TVP23B: variants seen among roughly 807,000 people sequenced by gnomAD.
TVP23B encodes trans-golgi network vesicle protein 23 homolog B.
TVP23B carries 10 observed loss-of-function variants against 30.6 expected under a neutral mutation model. That is an observed-to-expected ratio of 0.33 (90% CI 0.20 to 0.55). The LOEUF (loss-of-function observed/expected upper bound fraction) is 0.55, where lower values mean the gene tolerates loss of function less well. Among genes scored for constraint, TVP23B ranks in the 20% least tolerant of loss-of-function variants. The probability of loss-of-function intolerance (pLI) is 0.91; values close to 1 mark genes in which losing one functional copy is unlikely to be tolerated. For missense variants in TVP23B, 153 were observed against 243.2 expected, an observed-to-expected ratio of 0.63 and a Z score of 2.47; for synonymous variants, 67 against 83.1, an observed-to-expected ratio of 0.81 and a Z score of 1.06.
chr17:18,784,573 C>A (rs2035870829), intron 1 of TVP23B, among the ~76,000 whole-genome samples: 1 of 152,326 alleles, frequency 6.6e-6, no homozygotes, highest in Non-Finnish European at 1.5e-5. Context: ...GTCGCTTGAA[C>A]CCGGGAGGTG....
At chr17:18,788,982 G>T (rs2035951414) in intron 1 of TVP23B, 1 of 196,610 alleles carries the variant, frequency 5.1e-6, no homozygotes, top group Non-Finnish European at 1.0e-5. Context: ...AGATGATTTT[G>T]TGAAGGAGCC....
intron 6 of TVP23B, 48 bp from the exon 7 acceptor site, chr17:18,805,493 G>A: frequency 6.3e-7 from 1 of 1,598,088 alleles, no homozygotes; most frequent in South Asian, 1.1e-5. Flanking sequence ...GGTGTGTGAA[G>A]TGAAATAACT....
At chr17:18,783,556 T>C (rs1353072042) in intron 1 of TVP23B, among the ~76,000 whole-genome samples, 2 of 152,200 alleles carry the variant, frequency 1.3e-5, no homozygotes, top group Admixed American at 6.5e-5. Context: ...TCTTATCCTC[T>C]CTCAGCTGGT....
chr17:18,804,789 C>T (rs566477765), intron 6 of TVP23B, among the ~76,000 whole-genome samples: 2 of 152,142 alleles, frequency 1.3e-5, no homozygotes, highest in East Asian at 1.9e-4. Flanking sequence ...GGGATTTCAT[C>T]GTGTTAGCCA....
intron 4 of TVP23B, among the ~76,000 whole-genome samples, chr17:18,798,253 T>C (rs955488199): frequency 6.6e-6 from 1 of 152,122 alleles, no homozygotes; most frequent in Non-Finnish European, 1.5e-5. Flanking sequence ...ACACCAAGGG[T>C]ATTGACAAGT....
intron 1 of TVP23B, among the ~76,000 whole-genome samples, chr17:18,783,479 A>G (rs1236899070): frequency 6.6e-6 from 1 of 152,154 alleles, no homozygotes; most frequent in Non-Finnish European, 1.5e-5. Context: ...GTCATTCTAC[A>G]TTTCCATAGC....
chr17:18,801,200 T>A (rs2921204), intron 5 of TVP23B, among the ~76,000 whole-genome samples: 15,475 of 143,934 alleles, frequency 0.11, 592 homozygotes, highest in African/African-American at 0.13. Context: ...TTGAGTTCTT[T>A]TCTTTAGGTT....
intron 6 of TVP23B, among the ~76,000 whole-genome samples, chr17:18,805,068 GTGACTAGGTCTT>G (rs1284193552): frequency 7.0e-6 from 1 of 142,936 alleles, no homozygotes; most frequent in African/African-American, 2.5e-5. Flanking sequence ...CTTGGGAAAA[GTGACTAGGTCTT>G]TTTTTTTTTT....
Position 18,805,956 on chromosome 17 carries a change from A to G in TVP23B, c.*389A>G, listed in dbSNP as rs1386019855. On this transcript the variant is annotated 3_prime_UTR_variant, in exon 7 of 7. Coordinates refer to ENST00000307767, the MANE Select transcript of TVP23B (RefSeq NM_016078.6). Reference sequence around the variant, plus strand: ...TGTTCTTAGTCTGTCTCAAAGCTCTATATGTTTACATATTATTTCTGTAGA... The same window carrying G: ...TGTTCTTAGTCTGTCTCAAAGCTCTGTATGTTTACATATTATTTCTGTAGA... The G allele has an allele frequency of 2.1e-5, 21 of 978,156 alleles. No individual in the cohort carries two copies. The highest frequency in any genetic ancestry group is 1.0e-4 in the East Asian group (1 of 9,940). The allele number at this position is 978,156 out of a possible 1,614,324, so 60.6% of individuals were successfully genotyped here.
intron 3 of TVP23B, among the ~76,000 whole-genome samples, chr17:18,793,336 G>A (rs961763618): frequency 7.9e-5 from 12 of 151,684 alleles, no homozygotes; most frequent in African/African-American, 2.4e-4. Flanking sequence ...GGCTGGGCGC[G>A]GTGGCTCACA....
At chr17:18,792,332 G>A (rs1023042953) in intron 3 of TVP23B, among the ~76,000 whole-genome samples, 5 of 152,122 alleles carry the variant, frequency 3.3e-5, no homozygotes, top group African/African-American at 1.2e-4. Context: ...CACTGCGCCT[G>A]GCCATCTTTT....
At position 18,798,872 on chromosome 17, in the gene TVP23B, C is replaced by G; in HGVS notation, c.391C>G (p.Leu131Val). Residue 131 changes from leucine to valine, a missense_variant, in exon 5 of 7, where the codon CTT (leucine) becomes GTT (valine). By Grantham distance (32) the Leu-to-Val change is conservative. Around this residue, in one of 3 missense-constraint regions of TVP23B, gnomAD observed 53 missense variants for 128.0 expected, o/e 0.41. Transcript: ENST00000307767. ...TGAATCAAGAATCTTTTGGTTGGGACTTATTGCCTGTCCAGTACTGTGGGT... is the reference window on the plus strand; with the variant it reads ...TGAATCAAGAATCTTTTGGTTGGGAGTTATTGCCTGTCCAGTACTGTGGGT... The part of the protein sequence containing the change: ...EAESRIFWLG[L>V]IACPVLWVIF... 1 of 1,613,736 alleles carries G rather than the reference C, an allele frequency of 6.2e-7. No individual in the cohort carries two copies. The highest frequency in any genetic ancestry group is 8.5e-7 in the Non-Finnish European group (1 of 1,179,858).
chr17:18,803,645 A>G (rs1230872734), intron 5 of TVP23B, among the ~76,000 whole-genome samples: 1 of 152,262 alleles, frequency 6.6e-6, no homozygotes, highest in Non-Finnish European at 1.5e-5. Flanking sequence ...TTTATGCCTT[A>G]GGGCATTGCA....
chr17:18,798,717 T>C, intron 4 of TVP23B, 95 bp from the exon 5 acceptor site: 1 of 1,504,372 alleles, frequency 6.6e-7, no homozygotes, highest in Non-Finnish European at 9.0e-7. Flanking sequence ...TGTATTAATA[T>C]TTGAACTTGT....
At chr17:18,799,751 T>G (rs919941936) in intron 5 of TVP23B, among the ~76,000 whole-genome samples, 1 of 152,166 alleles carries the variant, frequency 6.6e-6, no homozygotes, top group Non-Finnish European at 1.5e-5. Context: ...ATATCTGATA[T>G]GAATAAATAT....
intron 1 of TVP23B, among the ~76,000 whole-genome samples, chr17:18,785,989 G>T (rs988880779): frequency 6.6e-6 from 1 of 152,074 alleles, no homozygotes; most frequent in African/African-American, 2.4e-5. Flanking sequence ...TGTGGGTAGG[G>T]GTTCTGGAGA....
rs2036112737 is a variant in TVP23B, at chr17:18,798,710, A to T, written c.331-102A>T. ...CTAACTTAGGAGTTGGGCTGTGTGT[A>T]TTAATATTTGAACTTGTGGGTAATA... On this transcript the variant is annotated intron_variant, in intron 4 of 6. Transcript: ENST00000307767. 11 of 1,470,296 alleles carry T rather than the reference A, an allele frequency of 7.5e-6. No homozygotes were observed. The South Asian group carries it at 1.3e-4, about 18-fold the overall frequency. The allele number at this position is 1,470,296 out of a possible 1,614,324, so 91.1% of individuals were successfully genotyped here.
At chr17:18,781,647 C>A (rs1474913000) in intron 1 of TVP23B, 3 of 374,270 alleles carry the variant, frequency 8.0e-6, no homozygotes, top group Non-Finnish European at 1.4e-5. Flanking sequence ...TCCTGACACC[C>A]AGGGGTGCGA....
chr17:18,805,078 CTTTTTTTTT>C (rs71155360), intron 6 of TVP23B, among the ~76,000 whole-genome samples: 1 of 108,722 alleles, frequency 9.2e-6, no homozygotes, highest in Non-Finnish European at 1.9e-5. Flanking sequence ...GTGACTAGGT[CTTTTTTTTT>C]TTTTTTTTTT....
Sources: gnomAD v4.1 joint callset for allele counts (sites outside exome capture counted in the v4.1 genomes callset) on GRCh38, gnomAD v4.1.1 for gene constraint, gnomAD v4.1.1 regional missense constraint, MANE v1.5 for transcripts, NCBI Gene and HGNC (gene_info 2026-07-23, HGNC 2026-07-21) for gene names.